Variants in PLPPR1 observed in about 807,000 individuals in gnomAD.
PLPPR1 encodes phospholipid phosphatase-related protein type 1.
In PLPPR1, 10 loss-of-function variants were observed where a neutral mutation model predicts 33.1. The ratio of observed to expected loss-of-function variants is 0.30; its 90% CI spans 0.19 to 0.51. The LOEUF is 0.51. Ranked by LOEUF, PLPPR1 falls within the 20% of genes least tolerant of loss-of-function variation. The pLI is 0.97. For missense variants in PLPPR1, 304 were observed against 408.1 expected (o/e 0.74, Z 2.20); for synonymous variants, 151 against 151.0 (o/e 1.00, Z 0.00).
intron 2 of PLPPR1, among the ~76,000 whole-genome samples, chr9:101,205,556 CATTTT>C (rs1037756548): frequency 3.9e-5 from 6 of 152,092 alleles, no homozygotes; most frequent in African/African-American, 1.4e-4. Flanking sequence ...TGTATTTAAA[CATTTT>C]GTTTTGTATG....
At chr9:101,301,131 A>C (rs1280642799) in intron 4 of PLPPR1, among the ~76,000 whole-genome samples, 3 of 152,204 alleles carry the variant, frequency 2.0e-5, no homozygotes, top group African/African-American at 7.2e-5. Flanking sequence ...TTAAGTAATT[A>C]TCCTTCATCT....
chr9:101,158,669 G>C (rs771197454), intron 1 of PLPPR1, among the ~76,000 whole-genome samples: 7 of 152,200 alleles, frequency 4.6e-5, no homozygotes, highest in Non-Finnish European at 8.8e-5. Context: ...GGAAAGCTGA[G>C]GCATTTTTAC....
At chr9:101,135,761 A>G (rs1831370574) in intron 1 of PLPPR1, among the ~76,000 whole-genome samples, 1 of 152,070 alleles carries the variant, frequency 6.6e-6, no homozygotes. Flanking sequence ...AAAGCTGGAG[A>G]TTTACCTCCT....
At chr9:101,260,161 G>A (rs1827871925) in intron 2 of PLPPR1, among the ~76,000 whole-genome samples, 1 of 152,074 alleles carries the variant, frequency 6.6e-6, no homozygotes, top group Non-Finnish European at 1.5e-5. Flanking sequence ...TCCTATTCAT[G>A]AGACTGGGAC....
chr9:101,249,978 A>G (rs1827688033), intron 2 of PLPPR1, among the ~76,000 whole-genome samples: 1 of 152,070 alleles, frequency 6.6e-6, no homozygotes, highest in Non-Finnish European at 1.5e-5. Flanking sequence ...GTAGGGGTTC[A>G]ACCGATATTT....
chr9:101,067,734 A>G (rs1830435899), intron 1 of PLPPR1, among the ~76,000 whole-genome samples: 1 of 152,042 alleles, frequency 6.6e-6, no homozygotes, highest in Non-Finnish European at 1.5e-5. Context: ...GGATGCTGAG[A>G]ACAGCAAAGA....
intron 1 of PLPPR1, among the ~76,000 whole-genome samples, chr9:101,158,415 T>A (rs1831725988): frequency 6.6e-6 from 1 of 152,168 alleles, no homozygotes; most frequent in South Asian, 2.1e-4. Flanking sequence ...AGAAGCTGGC[T>A]TTCATCTCAG....
chr9:101,160,513 C>T (rs949099317), intron 1 of PLPPR1, among the ~76,000 whole-genome samples: 1 of 152,092 alleles, frequency 6.6e-6, no homozygotes, highest in African/African-American at 2.4e-5. Context: ...TTTGGGTCTT[C>T]AAACTTTCAT....
intron 1 of PLPPR1, among the ~76,000 whole-genome samples, chr9:101,082,103 C>T (rs141474487): frequency 1.8e-3 from 280 of 152,264 alleles, no homozygotes; most frequent in African/African-American, 5.9e-3. Flanking sequence ...GGCTGTCAGA[C>T]GGGCAGTGCC....
intron 1 of PLPPR1, among the ~76,000 whole-genome samples, chr9:101,056,366 A>G (rs1830278202): frequency 6.6e-6 from 1 of 152,174 alleles, no homozygotes; most frequent in African/African-American, 2.4e-5. Context: ...AGTCTTTCCA[A>G]TTTAAAGCTT....
At chr9:101,223,043 T>C (rs1826980773) in intron 2 of PLPPR1, among the ~76,000 whole-genome samples, 1 of 148,634 alleles carries the variant, frequency 6.7e-6, no homozygotes, top group Non-Finnish European at 1.5e-5. Context: ...CCTGGTGCAG[T>C]GGCTCACACA....
intron 1 of PLPPR1, among the ~76,000 whole-genome samples, chr9:101,110,025 A>C (rs954839639): frequency 2.0e-5 from 3 of 152,234 alleles, no homozygotes; most frequent in Non-Finnish European, 4.4e-5. Flanking sequence ...GTCATTTTCA[A>C]CAGTACTAAA....
At chr9:101,169,196 G>C (rs956128219) in intron 1 of PLPPR1, among the ~76,000 whole-genome samples, 2 of 152,086 alleles carry the variant, frequency 1.3e-5, no homozygotes, top group African/African-American at 2.4e-5. Context: ...CTGTGTGTCT[G>C]TGTGCTTCAG....
At chr9:101,170,777 A>T (rs913401941) in intron 1 of PLPPR1, among the ~76,000 whole-genome samples, 1 of 152,076 alleles carries the variant, frequency 6.6e-6, no homozygotes, top group Admixed American at 6.6e-5. Flanking sequence ...CTTTACAAAA[A>T]CATTTTAAAA....
chr9:101,283,029 A>G (rs1440231015), intron 3 of PLPPR1, among the ~76,000 whole-genome samples: 1 of 152,078 alleles, frequency 6.6e-6, no homozygotes, highest in African/African-American at 2.4e-5. Flanking sequence ...TAGTGATGGG[A>G]TCTCGCTCTG....
chr9:101,177,182 A>G (rs1351492815), intron 1 of PLPPR1, among the ~76,000 whole-genome samples: 3 of 152,150 alleles, frequency 2.0e-5, no homozygotes, highest in African/African-American at 7.2e-5. Flanking sequence ...GAATCACATT[A>G]AATCTGTAGA....
At chr9:101,031,959 G>A (rs1489718254) in intron 1 of PLPPR1, among the ~76,000 whole-genome samples, 3 of 152,114 alleles carry the variant, frequency 2.0e-5, no homozygotes, top group Non-Finnish European at 4.4e-5. Context: ...GAAGCACAAA[G>A]GGAGGGCATC....
At chr9:101,074,854 G>A (rs1433947329) in intron 1 of PLPPR1, among the ~76,000 whole-genome samples, 1 of 152,128 alleles carries the variant, frequency 6.6e-6, no homozygotes, top group Admixed American at 6.6e-5. Flanking sequence ...AAGAACTACA[G>A]ATACAAGTTT....
At chr9:101,302,847 T>C (rs1221073090) in intron 4 of PLPPR1, among the ~76,000 whole-genome samples, 1 of 152,208 alleles carries the variant, frequency 6.6e-6, no homozygotes, top group East Asian at 1.9e-4. Context: ...ACAAAGCTGG[T>C]TAGATTTTGA....
Sources: allele counts gnomAD v4.1 joint callset (sites outside exome capture counted in the v4.1 genomes callset), GRCh38; gene constraint gnomAD v4.1.1; transcripts MANE v1.5; gene names NCBI Gene and HGNC (gene_info 2026-07-23, HGNC 2026-07-21).